OTOG: variants seen among roughly 807,000 people sequenced by gnomAD.
OTOG encodes otogelin.
A neutral mutation model predicts 313.8 loss-of-function variants in OTOG; 296 were observed. The ratio of observed to expected loss-of-function variants is 0.94; its 90% CI spans 0.86 to 1.04. OTOG has a LOEUF of 1.04. Ranked by LOEUF, OTOG falls within the 50% of genes least tolerant of loss-of-function variation. OTOG has a pLI of 0.00. For missense variants in OTOG, 3,948 were observed against 3,840.1 expected (o/e 1.03, Z -0.74); for synonymous variants, 1,533 against 1,554.9 (o/e 0.99, Z 0.33).
chr11:17,595,450 G>A (rs1021483280), intron 28 of OTOG, among the ~76,000 whole-genome samples: 6 of 152,178 alleles, frequency 3.9e-5, no homozygotes, highest in Admixed American at 3.9e-4. Context: ...CAACACACAT[G>A]TATTATTTCA....
intron 3 of OTOG, among the ~76,000 whole-genome samples, chr11:17,548,614 G>A (rs1482644678): frequency 4.0e-5 from 6 of 151,878 alleles, no homozygotes; most frequent in African/African-American, 1.5e-4. Flanking sequence ...TCCATACCCT[G>A]AGCGGAGCCT....
rs1291238310 is a variant in OTOG at position 17,572,143 on chromosome 11, T to C, written c.2019T>C (p.Ser673=). The C allele has an allele frequency of 6.4e-7, 1 of 1,550,546 alleles. No individual in the cohort carries two copies. The highest frequency in any genetic ancestry group is 8.7e-7 in the Non-Finnish European group (1 of 1,146,974). Residue 673 remains serine (S), a synonymous_variant, in exon 18 of 56, where the codon TCT becomes TCC. Transcript: ENST00000399397. ...TTGGCAATTCCTGGAAAACACTTTCTGCTTGCTCCCCGCTGGTCTCTGGCT... is the reference window on the plus strand; with the variant it reads ...TTGGCAATTCCTGGAAAACACTTTCCGCTTGCTCCCCGCTGGTCTCTGGCT... ...QLFGNSWKTL[S]ACSPLVSGSP...
chr11:17,557,076 A>G, intron 7 of OTOG, 42 bp from the exon 8 acceptor site: 1 of 1,531,448 alleles, frequency 6.5e-7, no homozygotes. Context: ...GGGCTAGTGG[A>G]GGTGTTGTGG....
intron 14 of OTOG, 55 bp from the exon 15 acceptor site, chr11:17,561,607 G>C: frequency 5.8e-6 from 9 of 1,540,582 alleles, no homozygotes; most frequent in Non-Finnish European, 7.9e-6. Context: ...AGCTTGCAGG[G>C]CAGAGTTCCC....
intron 15 of OTOG, among the ~76,000 whole-genome samples, chr11:17,568,052 C>T (rs1182826514): frequency 3.3e-5 from 5 of 152,106 alleles, no homozygotes; most frequent in East Asian, 3.9e-4. Context: ...GGACTACAGG[C>T]ACCCGCCACC....
At chr11:17,605,361 G>A (rs563661908) in intron 32 of OTOG, among the ~76,000 whole-genome samples, 14 of 152,306 alleles carry the variant, frequency 9.2e-5, no homozygotes, top group African/African-American at 3.4e-4. Flanking sequence ...GCCAATGCTG[G>A]CCCTGTGGAA....
At position 17,611,158 on chromosome 11, in the gene OTOG, A is replaced by G; in HGVS notation, c.5858A>G (p.Gln1953Arg). The change falls in exon 36 of 56, where the codon CAG (glutamine) becomes CGG (arginine). Residue 1953 changes from glutamine (Q) to arginine (R), a missense_variant. Physicochemically the swap from Gln to Arg is conservative, Grantham distance 43 (BLOSUM62 1). Transcript: ENST00000399397. The stretch of plus-strand genomic sequence containing the variant: ...TTGGTGGCTGAGCCCGAGGGAGCCC[A>G]GGCAGGCACAGCTCTGCCAGTGCCC... Reference protein sequence around the residue: ...TPLVAEPEGAQAGTALPVPTS... With the variant: ...TPLVAEPEGARAGTALPVPTS... 1 of 1,550,446 alleles carries G rather than the reference A, an allele frequency of 6.4e-7. No individual in the cohort carries two copies. The highest frequency in any genetic ancestry group is 8.7e-7 in the Non-Finnish European group (1 of 1,146,958).
At position 17,608,247 on chromosome 11, in the gene OTOG, C is replaced by T. The variant is rs1417353752; in HGVS notation, c.4157-49C>T. On this transcript the variant is annotated intron_variant, in intron 33 of 55. Coordinates refer to ENST00000399397, the MANE Select transcript of OTOG (RefSeq NM_001292063.2). ...GGGCAGGGCTGAGCTCTGGGACTCC[C>T]TCTGTGTCTTCACCTGACCCAGAGT... is the stretch of plus-strand genomic sequence containing the variant. The T allele has an allele frequency of 6.9e-6, 9 of 1,297,826 alleles. 1 individual carries two copies. In the African/African-American group the frequency reaches 1.0e-4, roughly 15 times the overall value. The allele number at this position is 1,297,826 out of a possible 1,614,324, so 80.4% of individuals were successfully genotyped here.
At chr11:17,553,556 T>C in intron 6 of OTOG, 37 bp downstream of exon 6, 1 of 1,402,624 alleles carries the variant, frequency 7.1e-7, no homozygotes, top group Non-Finnish European at 9.3e-7. Context: ...CAGGAATGCT[T>C]CTCTAGGCCC....
At position 17,593,337 on chromosome 11, in the gene OTOG, A is replaced by G; in HGVS notation, c.3141+10A>G. On this transcript the variant is annotated intron_variant, in intron 26 of 55. Coordinates refer to ENST00000399397, the MANE Select transcript of OTOG (RefSeq NM_001292063.2). ...TGACTCCGGAAATCCTGTAAGGCTC[A>G]GTGCCTGTGAAGGTTGTGTAGACAA... is the stretch of plus-strand genomic sequence containing the variant. The G allele has an allele frequency of 6.5e-7, 1 of 1,550,380 alleles. No homozygotes were observed. Among genetic ancestry groups the G allele is most frequent in the Non-Finnish European group, 8.7e-7 (1 of 1,146,856 alleles).
intron 16 of OTOG, among the ~76,000 whole-genome samples, chr11:17,569,519 A>G (rs965345932): frequency 6.6e-6 from 1 of 152,346 alleles, no homozygotes; most frequent in Admixed American, 6.5e-5. Flanking sequence ...TTCTCCTAAC[A>G]TGAACATATA....
At chr11:17,629,717 G>A (rs545631330) in intron 40 of OTOG, among the ~76,000 whole-genome samples, 19 of 152,162 alleles carry the variant, frequency 1.2e-4, no homozygotes, top group Non-Finnish European at 2.6e-4. Flanking sequence ...AGAAGAAAGG[G>A]GGCTCAGAGA....
intron 32 of OTOG, 91 bp downstream of exon 32, chr11:17,602,468 T>C (rs1853279584): frequency 7.2e-7 from 1 of 1,388,390 alleles, no homozygotes; most frequent in East Asian, 2.5e-5. Flanking sequence ...GTATCTGTAG[T>C]GGCCGGAGAA....
intron 30 of OTOG, among the ~76,000 whole-genome samples, chr11:17,599,232 G>A (rs1853185516): frequency 6.6e-6 from 1 of 152,156 alleles, no homozygotes; most frequent in South Asian, 2.1e-4. Context: ...GGGATGCTGG[G>A]GGCTCCCGGT....
intron 33 of OTOG, among the ~76,000 whole-genome samples, chr11:17,606,492 A>G (rs540876029): frequency 6.6e-6 from 1 of 152,306 alleles, no homozygotes; most frequent in East Asian, 1.9e-4. Context: ...ATGAGGTCAC[A>G]TGTCTGCCCC....
chr11:17,574,608 A>G (rs1166082475), intron 19 of OTOG, 112 bp from the exon 20 acceptor site: 4 of 1,144,108 alleles, frequency 3.5e-6, no homozygotes, highest in Non-Finnish European at 4.8e-6. Context: ...GACCTCAGAC[A>G]AATGTCTGAA....
chr11:17,556,228 C>A (rs187784807), intron 7 of OTOG, among the ~76,000 whole-genome samples: 2 of 152,278 alleles, frequency 1.3e-5, no homozygotes, highest in Admixed American at 1.3e-4. Context: ...GGATCATACA[C>A]AGTTTCTACC....
At chr11:17,640,415 T>C (rs185126112) in intron 49 of OTOG, among the ~76,000 whole-genome samples, 6 of 152,278 alleles carry the variant, frequency 3.9e-5, no homozygotes, top group African/African-American at 1.4e-4. Context: ...TATGTAACCC[T>C]CCCCACCCCA....
Position 17,631,651 on chromosome 11 carries a change from T to A in OTOG, c.6713-51T>A, listed in dbSNP as rs972688404. On this transcript the variant is annotated intron_variant, in intron 40 of 55. Transcript: ENST00000399397. ...ATACAAAAAGTGAGAGCTGACGACA[T>A]GGGAGTGGTAGTGATGATCGTGGCT... The A allele has an allele frequency of 2.1e-5, 30 of 1,413,334 alleles. No homozygotes were observed. The African/African-American group carries it at 4.0e-4, about 19-fold the overall frequency. 87.5% of individuals were successfully genotyped at this position (1,413,334 alleles called of 1,614,324 possible).
Sources: gnomAD v4.1 joint callset for allele counts (sites outside exome capture counted in the v4.1 genomes callset) on GRCh38, gnomAD v4.1.1 for gene constraint, MANE v1.5 for transcripts, NCBI Gene and HGNC (gene_info 2026-07-23, HGNC 2026-07-21) for gene names.